AGK: variants seen among roughly 807,000 people sequenced by gnomAD.
AGK encodes acylglycerol kinase.
AGK carries 52 observed loss-of-function variants against 66.4 expected under a neutral mutation model. That is an observed-to-expected ratio of 0.78 (90% CI 0.63 to 0.99). The LOEUF is 0.99. Among genes scored for constraint, AGK ranks in the 50% least tolerant of loss-of-function variants. AGK has a pLI of 0.00. For missense variants in AGK, 451 were observed against 506.6 expected (o/e 0.89, Z 1.05); for synonymous variants, 182 against 181.1 (o/e 1.00, Z -0.04).
chr7:141,608,108 C>T (rs183227032), intron 5 of AGK, among the ~76,000 whole-genome samples: 152 of 152,170 alleles, frequency 1.0e-3, no homozygotes, highest in Non-Finnish European at 1.8e-3. Flanking sequence ...ATTCCCTATC[C>T]GTCCTTAAAG....
chr7:141,628,016 G>T (rs1445163689), intron 9 of AGK, among the ~76,000 whole-genome samples: 1 of 152,102 alleles, frequency 6.6e-6, no homozygotes, highest in African/African-American at 2.4e-5. Context: ...TGAGTAACTG[G>T]GACTACAGGC....
chr7:141,584,726 G>A (rs1795960122), intron 2 of AGK, among the ~76,000 whole-genome samples: 1 of 152,214 alleles, frequency 6.6e-6, no homozygotes, highest in South Asian at 2.1e-4. Flanking sequence ...GCATTTGATA[G>A]TAGAATTTTT....
chr7:141,646,440 G>C (rs71545332), intron 13 of AGK, among the ~76,000 whole-genome samples: 14,410 of 152,160 alleles, frequency 0.095, 1,515 homozygotes, highest in African/African-American at 0.26. Context: ...TATTGCCTCA[G>C]TAGTGAGTCA....
At chr7:141,570,385 A>G (rs79239768) in intron 2 of AGK, among the ~76,000 whole-genome samples, 2 of 151,904 alleles carry the variant, frequency 1.3e-5, no homozygotes, top group African/African-American at 4.8e-5. Flanking sequence ...AGACCCTGTC[A>G]AAAAAAATTA....
At chr7:141,611,105 A>G in intron 5 of AGK, 90 bp from the exon 6 acceptor site, 2 of 748,120 alleles carry the variant, frequency 2.7e-6, no homozygotes, top group Non-Finnish European at 4.4e-6. Flanking sequence ...AGTCAATGTA[A>G]AACTTTAAAG....
intron 9 of AGK, among the ~76,000 whole-genome samples, chr7:141,631,093 A>G (rs114231668): frequency 0.018 from 2,667 of 152,278 alleles, 80 homozygotes; most frequent in African/African-American, 0.062. Flanking sequence ...TTTTTGGCTC[A>G]TGTAAAAGCT....
chr7:141,552,618 C>A (rs1278860184), intron 1 of AGK, among the ~76,000 whole-genome samples: 1 of 152,218 alleles, frequency 6.6e-6, no homozygotes, highest in Non-Finnish European at 1.5e-5. Flanking sequence ...AGATTCAGGA[C>A]ACACTGCCGC....
At chr7:141,558,368 G>A (rs1795261667) in intron 2 of AGK, among the ~76,000 whole-genome samples, 1 of 148,970 alleles carries the variant, frequency 6.7e-6, no homozygotes, top group Non-Finnish European at 1.5e-5. Context: ...TTTTAACCAT[G>A]TTGGCCCGCT....
At chr7:141,562,330 C>T (rs1408702100) in intron 2 of AGK, among the ~76,000 whole-genome samples, 1 of 152,232 alleles carries the variant, frequency 6.6e-6, no homozygotes, top group Non-Finnish European at 1.5e-5. Flanking sequence ...ACACCAGCTG[C>T]GGTAGTAATA....
At chr7:141,592,301 C>T (rs1796138247) in intron 2 of AGK, among the ~76,000 whole-genome samples, 1 of 152,174 alleles carries the variant, frequency 6.6e-6, no homozygotes, top group African/African-American at 2.4e-5. Context: ...TTTGCTTTTC[C>T]AGCTTCTAGA....
intron 14 of AGK, chr7:141,650,538 GA>G: frequency 1.0e-6 from 1 of 985,400 alleles, no homozygotes; most frequent in Non-Finnish European, 1.2e-6. Flanking sequence ...AGCTGCGTTA[GA>G]AAACTCTGAT....
chr7:141,559,832 A>T (rs950092440), intron 2 of AGK, among the ~76,000 whole-genome samples: 3 of 152,026 alleles, frequency 2.0e-5, no homozygotes, highest in Non-Finnish European at 2.9e-5. Flanking sequence ...TAAGTATTTT[A>T]TTCTTTTGAT....
chr7:141,641,874 C>T lies in AGK; in HGVS notation c.941C>T (p.Ser314Phe). The change falls in exon 13 of 16, where the codon TCC becomes TTC. Residue 314 changes from serine (S) to phenylalanine (F), a missense_variant. Physicochemically the swap from Ser to Phe is radical, Grantham distance 155. Transcript: ENST00000649286. ...GTGCAGCTGTCCACCATTGAACTGTCCATCACAACACGGAATAATCAGCTT... is the reference window on the plus strand; with the variant it reads ...GTGCAGCTGTCCACCATTGAACTGTTCATCACAACACGGAATAATCAGCTT... ...KDVQLSTIEL[S>F]ITTRNNQLDP... 1 of 1,585,248 alleles carries T rather than the reference C, an allele frequency of 6.3e-7. No homozygotes were observed. Among genetic ancestry groups the T allele is most frequent in the Non-Finnish European group, 8.6e-7 (1 of 1,165,094 alleles).
intron 13 of AGK, among the ~76,000 whole-genome samples, chr7:141,644,876 T>C (rs1797374960): frequency 6.6e-6 from 1 of 152,164 alleles, no homozygotes; most frequent in Admixed American, 6.5e-5. Flanking sequence ...AATAAACCTC[T>C]GCCATACATC....
rs1434115096 is a variant in AGK, at chr7:141,555,218, G to T, written c.-14-235G>T. Among the ~76,000 whole-genome samples, 3 of 152,124 alleles carry T rather than the reference G, an allele frequency of 2.0e-5. No individual in the cohort carries two copies. Among genetic ancestry groups the T allele is most frequent in the East Asian group, 3.9e-4 (2 of 5,192 alleles). On this transcript the variant is annotated intron_variant, in intron 1 of 15. Transcript: ENST00000649286. The surrounding 1 kb of genome is among the most constrained non-coding windows in gnomAD (Gnocchi z 4.2). The stretch of plus-strand genomic sequence containing the variant: ...AGAAGTATAGGTTAGGTGGAAATAC[G>T]TGAAGGAAGAAAGAAAGGTGGATGG...
At chr7:141,586,239 C>T (rs953403868) in intron 2 of AGK, among the ~76,000 whole-genome samples, 13 of 152,072 alleles carry the variant, frequency 8.5e-5, no homozygotes, top group African/African-American at 2.7e-4. Flanking sequence ...GATCTGGTAA[C>T]GTTTTTGTGC....
At chr7:141,590,627 A>G (rs1341113399) in intron 2 of AGK, among the ~76,000 whole-genome samples, 2 of 152,090 alleles carry the variant, frequency 1.3e-5, no homozygotes, top group African/African-American at 2.4e-5. Context: ...TTACCTCTTT[A>G]TTGTATATAA....
intron 5 of AGK, among the ~76,000 whole-genome samples, chr7:141,602,172 C>CG (rs527736205): frequency 0.15 from 11,363 of 73,344 alleles, 767 homozygotes; most frequent in East Asian, 0.24. Flanking sequence ...GGGAGATTTT[C>CG]TTGTGTGTGT....
chr7:141,576,966 G>A (rs1050725861), intron 2 of AGK, among the ~76,000 whole-genome samples: 1 of 152,114 alleles, frequency 6.6e-6, no homozygotes, highest in African/African-American at 2.4e-5. Context: ...CCTGAACCTG[G>A]AAGGCAGAGC....
Sources: gnomAD v4.1 joint callset for allele counts (sites outside exome capture counted in the v4.1 genomes callset) on GRCh38, gnomAD v4.1.1 for gene constraint, Gnocchi (gnomAD v3.1) non-coding constraint, MANE v1.5 for transcripts, NCBI Gene and HGNC (gene_info 2026-07-23, HGNC 2026-07-21) for gene names.